SCAF8: variants seen among roughly 807,000 people sequenced by gnomAD.
The protein encoded by SCAF8 is SR-related CTD associated factor 8.
Under a neutral mutation model 140.5 loss-of-function variants are expected in SCAF8, and 23 were observed. The observed-to-expected ratio is 0.16, with a 90% CI of 0.12 to 0.23. The LOEUF is 0.23. Ranked by LOEUF, SCAF8 falls within the 10% of genes least tolerant of loss-of-function variation. The pLI is 1.00. For synonymous variants in SCAF8, 575 were observed against 528.9 expected (o/e 1.09, Z -1.20); for missense variants, 1,397 against 1,555.7 (o/e 0.90, Z 1.72).
chr6:154,808,245 C>G (rs577959053), intron 10 of SCAF8, 44 bp downstream of exon 10: 2 of 1,551,942 alleles, frequency 1.3e-6, no homozygotes, highest in Non-Finnish European at 1.8e-6. Flanking sequence ...CTAAAAGTAG[C>G]TAAAGAAATC....
chr6:154,751,570 C>G (rs1019547404), intron 1 of SCAF8, among the ~76,000 whole-genome samples: 1 of 152,036 alleles, frequency 6.6e-6, no homozygotes, highest in Non-Finnish European at 1.5e-5. Context: ...CTGAAAGACT[C>G]GTTTTACAGA....
At position 154,832,629 on chromosome 6, in the gene SCAF8, G is replaced by A; in HGVS notation, c.3050G>A (p.Arg1017Gln). The change falls in exon 20 of 20, where the codon CGG becomes CAG. Residue 1017 changes from arginine (R) to glutamine (Q), a missense_variant. Arg to Gln is a conservative substitution (Grantham distance 43, BLOSUM62 1). This residue lies in a region of SCAF8 where 930 missense variants were observed against 874.6 expected (regional missense o/e 1.06). Coordinates refer to ENST00000367178, the MANE Select transcript of SCAF8 (RefSeq NM_014892.5). ...NIQQEGDRDYRFPPIETRESI... is the reference protein window; with the variant it reads ...NIQQEGDRDYQFPPIETRESI... ...CAACAGGAAGGAGATAGAGATTACC[G>A]GTTTCCTCCTATAGAAACCAGGGAA... 5 of 1,613,978 alleles carry A rather than the reference G, an allele frequency of 3.1e-6. No homozygotes were observed. Among genetic ancestry groups the A allele is most frequent in the East Asian group, 2.2e-5 (1 of 44,868 alleles).
chr6:154,827,399 A>G (rs1027436713), intron 18 of SCAF8, among the ~76,000 whole-genome samples, 159 bp downstream of exon 18: 1 of 152,288 alleles, frequency 6.6e-6, no homozygotes, highest in African/African-American at 2.4e-5. Flanking sequence ...GACAGTTCTT[A>G]TTGAAATTTG....
At chr6:154,744,768 C>A (rs4869833) in intron 1 of SCAF8, among the ~76,000 whole-genome samples, 92,333 of 152,068 alleles carry the variant, frequency 0.61, 30,822 homozygotes, top group East Asian at 0.91. Context: ...ATAACTTCAC[C>A]TTCATAGAAA....
chr6:154,759,549 G>A (rs534332381), intron 1 of SCAF8, among the ~76,000 whole-genome samples: 5 of 152,064 alleles, frequency 3.3e-5, no homozygotes, highest in African/African-American at 1.2e-4. Flanking sequence ...CATAGGCAAA[G>A]ATAATGAGAA....
chr6:154,832,780 A>G lies in SCAF8; in HGVS notation c.3201A>G (p.Ile1067Met), dbSNP rs772576059. 9 of 1,613,950 alleles carry G rather than the reference A, an allele frequency of 5.6e-6. No individual in the cohort carries two copies. Among genetic ancestry groups the G allele is most frequent in the Middle Eastern group, 3.3e-4 (2 of 6,060 alleles). Residue 1067 changes from isoleucine to methionine, a missense_variant, in exon 20 of 20, where the codon ATA (isoleucine) becomes ATG (methionine). Ile to Met is a conservative substitution (Grantham distance 10, BLOSUM62 1). Around this residue, in one of 5 missense-constraint regions of SCAF8, gnomAD observed 930 missense variants for 874.6 expected, o/e 1.06. Coordinates refer to ENST00000367178, the MANE Select transcript of SCAF8 (RefSeq NM_014892.5). ...ATTTTGGAAGACCTCCTGTAGATAT[A>G]AGAGAGAATCTTGTGAGGCCAGGTA... ...RDHFGRPPVD[I>M]RENLVRPGID...
At chr6:154,743,960 A>T (rs989545985) in intron 1 of SCAF8, among the ~76,000 whole-genome samples, 1 of 152,226 alleles carries the variant, frequency 6.6e-6, no homozygotes, top group East Asian at 1.9e-4. Context: ...AATCTCTTAC[A>T]TATTTTTGAA....
intron 1 of SCAF8, among the ~76,000 whole-genome samples, chr6:154,751,902 A>G (rs575687099): frequency 3.9e-5 from 6 of 152,306 alleles, no homozygotes; most frequent in East Asian, 1.9e-4. Context: ...TTGGCAAGGA[A>G]GTATTGCACA....
At chr6:154,743,840 C>A (rs1778631065) in intron 1 of SCAF8, among the ~76,000 whole-genome samples, 1 of 152,026 alleles carries the variant, frequency 6.6e-6, no homozygotes, top group Admixed American at 6.6e-5. Context: ...TTTTTAAAAT[C>A]TTTTTTGCCC....
chr6:154,826,425 C>T (rs116501921), intron 17 of SCAF8, among the ~76,000 whole-genome samples: 1 of 152,154 alleles, frequency 6.6e-6, no homozygotes, highest in African/African-American at 2.4e-5. Flanking sequence ...TAATTTACCA[C>T]AAAATTGAGT....
intron 6 of SCAF8, among the ~76,000 whole-genome samples, chr6:154,796,598 A>G (rs1777616278): frequency 6.6e-6 from 1 of 152,056 alleles, no homozygotes; most frequent in Non-Finnish European, 1.5e-5. Flanking sequence ...ATCAATTTAG[A>G]AATGGTTACC....
At chr6:154,801,163 T>C (rs976235937) in intron 6 of SCAF8, among the ~76,000 whole-genome samples, 3 of 151,498 alleles carry the variant, frequency 2.0e-5, no homozygotes, top group Non-Finnish European at 3.0e-5. Flanking sequence ...GTTTAGTTGA[T>C]AGTGAAGTGA....
intron 1 of SCAF8, among the ~76,000 whole-genome samples, chr6:154,747,625 G>A (rs536939631): frequency 2.6e-5 from 4 of 152,244 alleles, no homozygotes; most frequent in African/African-American, 9.6e-5. Context: ...TTAGAAACCC[G>A]AGAACTTGAT....
intron 15 of SCAF8, among the ~76,000 whole-genome samples, chr6:154,821,155 A>G (rs1475993996): frequency 6.6e-6 from 1 of 152,196 alleles, no homozygotes; most frequent in Non-Finnish European, 1.5e-5. Flanking sequence ...AACTGGAATT[A>G]TGGCAGTGAG....
intron 10 of SCAF8, 99 bp downstream of exon 10, chr6:154,808,300 C>A (rs934476077): frequency 1.7e-6 from 2 of 1,170,904 alleles, no homozygotes; most frequent in Middle Eastern, 2.4e-4. Context: ...ATTTTTCCCA[C>A]ACTTAAGCTC....
At chr6:154,780,645 A>C (rs1777059422) in intron 3 of SCAF8, among the ~76,000 whole-genome samples, 1 of 151,018 alleles carries the variant, frequency 6.6e-6, no homozygotes, top group Admixed American at 6.6e-5. Context: ...TTCCTATGTT[A>C]GTTTGCTGAG....
At chr6:154,770,820 C>T (rs937118068) in intron 1 of SCAF8, among the ~76,000 whole-genome samples, 1 of 152,172 alleles carries the variant, frequency 6.6e-6, no homozygotes, top group African/African-American at 2.4e-5. Flanking sequence ...TCTAGGCCCA[C>T]CGCAACCTCC....
At chr6:154,771,544 T>C (rs1159695432) in intron 1 of SCAF8, among the ~76,000 whole-genome samples, 1 of 152,118 alleles carries the variant, frequency 6.6e-6, no homozygotes, top group Non-Finnish European at 1.5e-5. Context: ...GCATCGACCA[T>C]TTTAAGGGGG....
chr6:154,746,288 C>G (rs556256014), intron 1 of SCAF8, among the ~76,000 whole-genome samples: 1 of 152,144 alleles, frequency 6.6e-6, no homozygotes, highest in Non-Finnish European at 1.5e-5. Flanking sequence ...GACAAGTCCT[C>G]ATTATTTTTT....
Sources: allele counts gnomAD v4.1 joint callset (sites outside exome capture counted in the v4.1 genomes callset), GRCh38; gene constraint gnomAD v4.1.1; regional missense constraint gnomAD v4.1.1; transcripts MANE v1.5; gene names NCBI Gene and HGNC (gene_info 2026-07-23, HGNC 2026-07-21).